The following PTPRD variants were observed in gnomAD, a reference collection of about 807,000 sequenced individuals.
The protein encoded by PTPRD is receptor-type tyrosine-protein phosphatase delta.
Under a neutral mutation model 214.5 loss-of-function variants are expected in PTPRD, and 34 were observed. The observed-to-expected ratio is 0.16, with a 90% CI of 0.12 to 0.21. PTPRD has a LOEUF of 0.21. Ranked by LOEUF, PTPRD falls within the 10% of genes least tolerant of loss-of-function variation. The pLI is 1.00. For synonymous variants in PTPRD, 1,128 were observed against 845.7 expected (o/e 1.33, Z -5.79); for missense variants, 2,545 against 2,398.7 (o/e 1.06, Z -1.27).
intron 2 of PTPRD, among the ~76,000 whole-genome samples, chr9:10,510,001 G>C (rs893059877): frequency 1.3e-5 from 2 of 151,818 alleles, no homozygotes; most frequent in African/African-American, 4.8e-5. Context: ...GAAAGAATTC[G>C]AGTTCTTATG....
intron 8 of PTPRD, among the ~76,000 whole-genome samples, chr9:9,467,916 A>AT (rs2094326809): frequency 6.6e-6 from 1 of 152,122 alleles, no homozygotes; most frequent in African/African-American, 2.4e-5. Context: ...TTAACTTAAG[A>AT]TTTTGCACAC....
At chr9:8,337,505 T>C (rs1335871221) in intron 43 of PTPRD, among the ~76,000 whole-genome samples, 1 of 152,068 alleles carries the variant, frequency 6.6e-6, no homozygotes, top group Non-Finnish European at 1.5e-5. Context: ...ATGTAGATGA[T>C]GGGTTGATGT....
chr9:9,838,480 A>T (rs561221667), intron 5 of PTPRD, among the ~76,000 whole-genome samples: 1 of 152,222 alleles, frequency 6.6e-6, no homozygotes, highest in East Asian at 1.9e-4. Flanking sequence ...GTGAGATTGT[A>T]TCTCATTGTG....
At chr9:8,534,504 A>C (rs1345583251) in intron 14 of PTPRD, among the ~76,000 whole-genome samples, 1 of 151,892 alleles carries the variant, frequency 6.6e-6, no homozygotes, top group Non-Finnish European at 1.5e-5. Flanking sequence ...TCACAGAACA[A>C]GAGTGATTTC....
intron 10 of PTPRD, among the ~76,000 whole-genome samples, chr9:9,071,622 C>T (rs1430021735): frequency 6.6e-6 from 1 of 152,074 alleles, no homozygotes; most frequent in African/African-American, 2.4e-5. Context: ...TCCACACAGA[C>T]CAAAGCAATA....
At chr9:8,331,983 A>C (rs1360001260) in intron 43 of PTPRD, among the ~76,000 whole-genome samples, 2 of 151,520 alleles carry the variant, frequency 1.3e-5, no homozygotes, top group East Asian at 3.9e-4. Flanking sequence ...TGCAGTGCCC[A>C]GTTAAAAACC....
chr9:9,092,966 GC>G (rs1357826162), intron 10 of PTPRD, among the ~76,000 whole-genome samples: 9 of 152,012 alleles, frequency 5.9e-5, no homozygotes, highest in African/African-American at 2.2e-4. Context: ...CATGGACATA[GC>G]TAGGTTCAAA....
At chr9:8,583,402 C>G (rs2093358164) in intron 14 of PTPRD, among the ~76,000 whole-genome samples, 1 of 152,150 alleles carries the variant, frequency 6.6e-6, no homozygotes, top group South Asian at 2.1e-4. Flanking sequence ...CCAGGCTGGA[C>G]TTGAACTCCT....
chr9:9,770,112 G>T (rs1006038763), intron 5 of PTPRD, among the ~76,000 whole-genome samples: 2 of 152,090 alleles, frequency 1.3e-5, no homozygotes, highest in Non-Finnish European at 2.9e-5. Context: ...ATAATCCTTG[G>T]AGTATATATC....
intron 11 of PTPRD, among the ~76,000 whole-genome samples, chr9:8,843,679 A>G (rs779426040): frequency 1.4e-4 from 21 of 152,196 alleles, no homozygotes; most frequent in Non-Finnish European, 2.8e-4. Flanking sequence ...TCCCGTTCTC[A>G]TCTCCTGAGT....
intron 11 of PTPRD, among the ~76,000 whole-genome samples, chr9:8,777,545 T>G (rs1599479377): frequency 6.6e-6 from 1 of 152,172 alleles, no homozygotes; most frequent in Admixed American, 6.5e-5. Context: ...TTACAGCTAG[T>G]GCATTTGTTT....
chr9:9,629,924 G>A (rs1185519409), intron 7 of PTPRD, among the ~76,000 whole-genome samples: 2 of 152,170 alleles, frequency 1.3e-5, no homozygotes, highest in African/African-American at 4.8e-5. Flanking sequence ...GAGAGTAGGT[G>A]AGATTAGACA....
intron 7 of PTPRD, among the ~76,000 whole-genome samples, chr9:9,579,920 T>C (rs1481925935): frequency 1.3e-5 from 2 of 152,138 alleles, no homozygotes; most frequent in African/African-American, 4.8e-5. Context: ...GAACATATTA[T>C]TTAGCTCCCA....
At chr9:8,949,417 A>G (rs1262501867) in intron 11 of PTPRD, among the ~76,000 whole-genome samples, 2 of 152,032 alleles carry the variant, frequency 1.3e-5, no homozygotes, top group Non-Finnish European at 2.9e-5. Flanking sequence ...TGCTTGGTTC[A>G]TAGCTTAATC....
intron 26 of PTPRD, among the ~76,000 whole-genome samples, chr9:8,494,473 A>G (rs2097216629): frequency 6.6e-6 from 1 of 152,184 alleles, no homozygotes; most frequent in Non-Finnish European, 1.5e-5. Flanking sequence ...CAGTATTTTA[A>G]ATGACAGCAG....
At chr9:8,412,184 A>G (rs1409609573) in intron 35 of PTPRD, among the ~76,000 whole-genome samples, 3 of 152,122 alleles carry the variant, frequency 2.0e-5, no homozygotes, top group Non-Finnish European at 4.4e-5. Flanking sequence ...AGGCAGGAAG[A>G]CTTCTTGAGC....
chr9:10,065,254 G>A (rs1331194773), intron 3 of PTPRD, among the ~76,000 whole-genome samples: 1 of 151,660 alleles, frequency 6.6e-6, no homozygotes, highest in Non-Finnish European at 1.5e-5. Context: ...TATTGCCTGA[G>A]AAGACAACTC....
chr9:9,748,711 C>G (rs1473568648), intron 6 of PTPRD, among the ~76,000 whole-genome samples: 1 of 152,098 alleles, frequency 6.6e-6, no homozygotes, highest in Non-Finnish European at 1.5e-5. Flanking sequence ...TTATTTCAGG[C>G]TTTCGTTTCT....
intron 9 of PTPRD, among the ~76,000 whole-genome samples, chr9:9,348,811 C>T (rs998912841): frequency 3.3e-5 from 5 of 152,064 alleles, no homozygotes. Flanking sequence ...GCTCTGAAGA[C>T]CTCCACTTGT....
Sources: gnomAD v4.1 joint callset for allele counts (sites outside exome capture counted in the v4.1 genomes callset) on GRCh38, gnomAD v4.1.1 for gene constraint, MANE v1.5 for transcripts, NCBI Gene and HGNC (gene_info 2026-07-23, HGNC 2026-07-21) for gene names.